The following LGR5 variants were observed in gnomAD, a reference collection of about 807,000 sequenced individuals.
LGR5 encodes leucine rich repeat containing G protein-coupled receptor 5, also known as leucine-rich repeat-containing G protein-coupled receptor 5.
Under a neutral mutation model 76.7 loss-of-function variants are expected in LGR5, and 54 were observed. The ratio of observed to expected loss-of-function variants is 0.70; its 90% CI spans 0.57 to 0.88. The LOEUF (loss-of-function observed/expected upper bound fraction) is 0.88. Ranked by LOEUF, LGR5 falls within the 40% of genes least tolerant of loss-of-function variation. The pLI, the probability that LGR5 is intolerant of heterozygous loss-of-function variation, is 0.00. For missense variants in LGR5, 1,078 were observed against 1,073.3 expected (o/e 1.00, Z -0.06); for synonymous variants, 406 against 421.9 (o/e 0.96, Z 0.46).
At chr12:71,531,755 C>T (rs996717581) in intron 3 of LGR5, among the ~76,000 whole-genome samples, 2 of 152,154 alleles carry the variant, frequency 1.3e-5, no homozygotes, top group Non-Finnish European at 2.9e-5. Context: ...CTAATCCCAG[C>T]TACTCAGGAG....
chr12:71,492,073 G>A (rs989883581), intron 1 of LGR5, among the ~76,000 whole-genome samples: 2 of 152,002 alleles, frequency 1.3e-5, no homozygotes, highest in African/African-American at 4.8e-5. Flanking sequence ...GCTTAGAATG[G>A]TCTAGTTGGA....
At chr12:71,495,735 G>A (rs1464821843) in intron 1 of LGR5, among the ~76,000 whole-genome samples, 1 of 151,250 alleles carries the variant, frequency 6.6e-6, no homozygotes, top group Non-Finnish European at 1.5e-5. Flanking sequence ...AATATCTACA[G>A]AATACACACT....
At position 71,481,616 on chromosome 12, in the gene LGR5, A is replaced by G. The variant is rs530316949; in HGVS notation, c.213-22998A>G. ...TACTCAGAGCCTTTGCATGTGTTTC[A>G]GGATATTCGATGAAATGTGGGTGGG... On this transcript the variant is annotated intron_variant, in intron 1 of 17. Coordinates refer to ENST00000266674, the MANE Select transcript of LGR5 (RefSeq NM_003667.4). Among the ~76,000 whole-genome samples the G allele has an allele frequency of 3.3e-5, 5 of 152,230 alleles. No individual in the cohort carries two copies. The South Asian group carries it at 8.3e-4, about 25-fold the overall frequency.
chr12:71,532,333 G>A (rs901532318), intron 3 of LGR5, among the ~76,000 whole-genome samples: 2 of 152,136 alleles, frequency 1.3e-5, no homozygotes, highest in African/African-American at 4.8e-5. Context: ...TAGAATTCAA[G>A]TTTCAATTCT....
intron 4 of LGR5, among the ~76,000 whole-genome samples, chr12:71,537,492 G>T (rs1876655912): frequency 1.3e-5 from 2 of 151,098 alleles, no homozygotes; most frequent in African/African-American, 4.9e-5. Flanking sequence ...GAAAAGAAAA[G>T]AAAAAAGAAA....
chr12:71,493,543 T>C (rs1471281052), intron 1 of LGR5, among the ~76,000 whole-genome samples: 1 of 151,212 alleles, frequency 6.6e-6, no homozygotes, highest in African/African-American at 2.5e-5. Flanking sequence ...TTACTTAACT[T>C]CCTTCCTCTC....
In LGR5 at chr12:71,504,604, T is replaced by C. The variant is rs200814492; in HGVS notation, c.213-10T>C. 5.1e-4 allele frequency: 821 copies of C among 1,612,094 alleles called. 1 individual carries two copies. Among genetic ancestry groups the C allele is most frequent in the Non-Finnish European group, 6.1e-4 (716 of 1,178,306 alleles). ...GCTGCTCCTCACACGCTGTCTGTTT[T>C]CCCCCCCAGAGACCTCAGTATGAAC... On this transcript the variant is annotated splice_polypyrimidine_tract_variant and intron_variant, in intron 1 of 17. Coordinates refer to ENST00000266674, the MANE Select transcript of LGR5 (RefSeq NM_003667.4).
chr12:71,567,421 C>T (rs1319403519), intron 11 of LGR5: 2 of 154,910 alleles, frequency 1.3e-5, no homozygotes, highest in African/African-American at 4.8e-5. Context: ...GGACTTTTTT[C>T]CTCTGCCTTT....
chr12:71,555,429 CCTAA>C (rs1457323524), intron 5 of LGR5, among the ~76,000 whole-genome samples: 1 of 152,148 alleles, frequency 6.6e-6, no homozygotes, highest in Non-Finnish European at 1.5e-5. Context: ...CTGGCTCTGA[CCTAA>C]CTGACTTACC....
At chr12:71,457,773 G>C (rs1220363779) in intron 1 of LGR5, among the ~76,000 whole-genome samples, 1 of 152,136 alleles carries the variant, frequency 6.6e-6, no homozygotes, top group Non-Finnish European at 1.5e-5. Context: ...TTTCCCTGAA[G>C]CTCAGCCTTT....
intron 1 of LGR5, among the ~76,000 whole-genome samples, chr12:71,483,424 G>T (rs922597322): frequency 6.6e-6 from 1 of 152,194 alleles, no homozygotes; most frequent in Non-Finnish European, 1.5e-5. Flanking sequence ...GAAATGCCAC[G>T]AAGGCATGAG....
chr12:71,550,712 C>A (rs1008539883), intron 4 of LGR5, among the ~76,000 whole-genome samples: 1 of 152,110 alleles, frequency 6.6e-6, no homozygotes, highest in Non-Finnish European at 1.5e-5. Context: ...GATCTGCCCC[C>A]CTCAGCTTTT....
intron 1 of LGR5, among the ~76,000 whole-genome samples, chr12:71,441,312 G>A (rs1376541428): frequency 6.6e-6 from 1 of 152,126 alleles, no homozygotes; most frequent in Non-Finnish European, 1.5e-5. Flanking sequence ...AAGCATCTGG[G>A]GCTTCATTCC....
chr12:71,497,977 A>G (rs531544912), intron 1 of LGR5, among the ~76,000 whole-genome samples: 2 of 152,200 alleles, frequency 1.3e-5, no homozygotes, highest in African/African-American at 2.4e-5. Context: ...CTCCCTCACA[A>G]CAAATCCATA....
chr12:71,556,816 A>G (rs115233006), intron 6 of LGR5, 126 bp downstream of exon 6: 5 of 727,468 alleles, frequency 6.9e-6, no homozygotes, highest in African/African-American at 3.5e-5. Flanking sequence ...ACAGATATTT[A>G]CAGTGGCATT....
intron 1 of LGR5, among the ~76,000 whole-genome samples, chr12:71,483,914 A>G (rs1873718423): frequency 6.6e-6 from 1 of 152,180 alleles, no homozygotes; most frequent in African/African-American, 2.4e-5. Context: ...GATGATGTAA[A>G]CCAGAGGTTT....
intron 11 of LGR5, 23 bp downstream of exon 11, chr12:71,566,935 T>A: frequency 6.3e-7 from 1 of 1,579,122 alleles, no homozygotes; most frequent in Middle Eastern, 1.7e-4. Flanking sequence ...AAGGCAATAA[T>A]GTTGTGTAAA....
intron 13 of LGR5, 44 bp from the exon 14 acceptor site, chr12:71,577,881 T>C (rs1164354233): frequency 7.8e-7 from 1 of 1,285,686 alleles, no homozygotes; most frequent in Admixed American, 1.7e-5. Flanking sequence ...CTTCACATGT[T>C]CTTTATTCTA....
intron 1 of LGR5, among the ~76,000 whole-genome samples, chr12:71,458,130 C>CT (rs1872559716): frequency 6.6e-6 from 1 of 152,166 alleles, no homozygotes; most frequent in African/African-American, 2.4e-5. Flanking sequence ...TTTAGTGTTA[C>CT]TTTTTTTCTT....
Sources: allele counts gnomAD v4.1 joint callset (sites outside exome capture counted in the v4.1 genomes callset), GRCh38; gene constraint gnomAD v4.1.1; transcripts MANE v1.5; gene names NCBI Gene and HGNC (gene_info 2026-07-23, HGNC 2026-07-21).